CTIF: variants seen among roughly 807,000 people sequenced by gnomAD.
The protein encoded by CTIF is cap binding complex dependent translation initiation factor, also known as CBP80/20-dependent translation initiation factor.
A neutral mutation model predicts 66.0 loss-of-function variants in CTIF; 21 were observed. That is an observed-to-expected ratio of 0.32 (90% CI 0.23 to 0.46). The LOEUF (loss-of-function observed/expected upper bound fraction) is 0.46. CTIF is among the 20% of genes least tolerant of loss of function. CTIF has a pLI of 1.00. For synonymous variants in CTIF, 345 were observed against 326.4 expected (o/e 1.06, Z -0.62); for missense variants, 739 against 812.7 (o/e 0.91, Z 1.10).
intron 10 of CTIF, among the ~76,000 whole-genome samples, chr18:48,817,927 C>A (rs2068403735): frequency 6.6e-6 from 1 of 152,226 alleles, no homozygotes; most frequent in African/African-American, 2.4e-5. Flanking sequence ...AGGCTCCAGT[C>A]ATTCCCAATC....
At chr18:48,813,958 G>T (rs931103961) in intron 9 of CTIF, among the ~76,000 whole-genome samples, 2 of 152,194 alleles carry the variant, frequency 1.3e-5, no homozygotes, top group Non-Finnish European at 2.9e-5. Context: ...AGTACTGACA[G>T]ATACTGTCTA....
intron 1 of CTIF, among the ~76,000 whole-genome samples, chr18:48,578,862 T>G (rs1437406428): frequency 6.6e-6 from 1 of 152,250 alleles, no homozygotes; most frequent in African/African-American, 2.4e-5. Context: ...TTTATCTCTT[T>G]TACTTACTGT....
At chr18:48,613,669 A>G (rs1359553791) in intron 1 of CTIF, among the ~76,000 whole-genome samples, 1 of 152,124 alleles carries the variant, frequency 6.6e-6, no homozygotes, top group Non-Finnish European at 1.5e-5. Flanking sequence ...CCGAGTCTGG[A>G]TGAGGTTGTT....
intron 7 of CTIF, among the ~76,000 whole-genome samples, chr18:48,753,808 A>T (rs770804580): frequency 3.3e-5 from 5 of 152,196 alleles, no homozygotes; most frequent in Non-Finnish European, 7.3e-5. Context: ...CCACATGTCC[A>T]TGTGTCTGAG....
chr18:48,557,093 G>C (rs1461735339), intron 1 of CTIF, among the ~76,000 whole-genome samples: 1 of 152,148 alleles, frequency 6.6e-6, no homozygotes, highest in African/African-American at 2.4e-5. Flanking sequence ...AGCAGGGACT[G>C]AAGGAGGGGT....
At chr18:48,674,275 G>A (rs2091589255) in intron 6 of CTIF, among the ~76,000 whole-genome samples, 1 of 152,258 alleles carries the variant, frequency 6.6e-6, no homozygotes. Context: ...CTGGTGCCTT[G>A]CCCAGGTCAC....
intron 6 of CTIF, among the ~76,000 whole-genome samples, chr18:48,677,294 C>T (rs1331393818): frequency 6.6e-6 from 1 of 152,206 alleles, no homozygotes; most frequent in African/African-American, 2.4e-5. Flanking sequence ...GAGGTGAGGT[C>T]TGACCTTATT....
chr18:48,844,889 C>T (rs1008108038), intron 10 of CTIF, among the ~76,000 whole-genome samples: 1 of 152,206 alleles, frequency 6.6e-6, no homozygotes, highest in Non-Finnish European at 1.5e-5. Flanking sequence ...CTTCAGAGGG[C>T]GACACTACTC....
At chr18:48,781,137 G>A (rs1911170967) in intron 9 of CTIF, among the ~76,000 whole-genome samples, 2 of 152,188 alleles carry the variant, frequency 1.3e-5, no homozygotes, top group African/African-American at 4.8e-5. Flanking sequence ...TTGTCCTCTG[G>A]ACTTTGTGTT....
At chr18:48,621,891 G>T (rs747711367) in intron 2 of CTIF, among the ~76,000 whole-genome samples, 23 of 152,202 alleles carry the variant, frequency 1.5e-4, no homozygotes, top group South Asian at 4.1e-4. Flanking sequence ...CAAGTCAGGG[G>T]TTGCTGGAGC....
chr18:48,832,437 A>C (rs1029376409), intron 10 of CTIF, among the ~76,000 whole-genome samples: 3 of 152,084 alleles, frequency 2.0e-5, no homozygotes. Context: ...CCAAAGTGCT[A>C]AAGAGGGGGA....
chr18:48,684,505 A>C (rs942872002), intron 6 of CTIF, among the ~76,000 whole-genome samples: 1 of 152,106 alleles, frequency 6.6e-6, no homozygotes, highest in Non-Finnish European at 1.5e-5. Flanking sequence ...TAAGTATATC[A>C]ATTCTAGTGA....
In CTIF at chr18:48,649,262, C is replaced by G. The variant is rs531388564; in HGVS notation, c.252+12577C>G. Reference sequence around the variant, plus strand: ...GGGACACTCCCACCCAAATACTGCACTTTTCCAATAGTCTTAGCAAATGGC... The same window carrying G: ...GGGACACTCCCACCCAAATACTGCAGTTTTCCAATAGTCTTAGCAAATGGC... On this transcript the variant is annotated intron_variant, in intron 3 of 11. Transcript: ENST00000256413. 4.4e-4 allele frequency among the ~76,000 whole-genome samples: 67 copies of G among 152,334 alleles called. No individual in the cohort carries two copies. In the South Asian group the frequency reaches 0.013, roughly 30 times the overall value.
chr18:48,553,296 C>T (rs1221258449), intron 1 of CTIF, among the ~76,000 whole-genome samples: 1 of 152,146 alleles, frequency 6.6e-6, no homozygotes. Flanking sequence ...GAAACAAAAA[C>T]GTGGTTGCCT....
At chr18:48,683,931 A>G (rs1259744721) in intron 6 of CTIF, among the ~76,000 whole-genome samples, 2 of 152,212 alleles carry the variant, frequency 1.3e-5, no homozygotes, top group Non-Finnish European at 2.9e-5. Context: ...CATGAGGCCC[A>G]GGGCTGCTGG....
chr18:48,572,585 C>T (rs1387440292), intron 1 of CTIF, among the ~76,000 whole-genome samples: 1 of 152,136 alleles, frequency 6.6e-6, no homozygotes, highest in African/African-American at 2.4e-5. Context: ...AAACTCACAT[C>T]CTAACCCCAT....
intron 6 of CTIF, among the ~76,000 whole-genome samples, chr18:48,677,191 C>CTT (rs2091645073): frequency 1.3e-5 from 2 of 152,204 alleles, no homozygotes; most frequent in Admixed American, 1.3e-4. Context: ...CCCCGAGACA[C>CTT]CCAGGAGCAG....
chr18:48,839,367 A>G, intron 10 of CTIF, among the ~76,000 whole-genome samples: 1 of 152,138 alleles, frequency 6.6e-6, no homozygotes, highest in Non-Finnish European at 1.5e-5. Flanking sequence ...CTCCTGACCC[A>G]GGTGAGAACA....
chr18:48,784,136 G>A (rs980119118), intron 9 of CTIF, among the ~76,000 whole-genome samples: 2 of 152,238 alleles, frequency 1.3e-5, no homozygotes, highest in African/African-American at 2.4e-5. Flanking sequence ...GGTGGGGAAT[G>A]CAGACAGTAC....
Sources: gnomAD v4.1 joint callset for allele counts (sites outside exome capture counted in the v4.1 genomes callset) on GRCh38, gnomAD v4.1.1 for gene constraint, MANE v1.5 for transcripts, NCBI Gene and HGNC (gene_info 2026-07-23, HGNC 2026-07-21) for gene names.